Variants in NCKAP5 observed in about 807,000 individuals in gnomAD.
NCKAP5 encodes NCK associated protein 5, also known as nck-associated protein 5.
A neutral mutation model predicts 167.0 loss-of-function variants in NCKAP5; 92 were observed. The observed-to-expected ratio is 0.55, with a 90% CI of 0.47 to 0.66. The LOEUF (loss-of-function observed/expected upper bound fraction) is 0.66, where lower values mean the gene tolerates loss of function less well. NCKAP5 is among the 30% of genes least tolerant of loss of function. The pLI, the probability that NCKAP5 is intolerant of heterozygous loss-of-function variation, is 0.00. For synonymous variants in NCKAP5, 891 were observed against 877.4 expected (o/e 1.02, Z -0.27); for missense variants, 2,378 against 2,315.0 (o/e 1.03, Z -0.56).
chr2:132,885,253 A>G (rs1244146317), intron 8 of NCKAP5, among the ~76,000 whole-genome samples: 4 of 152,230 alleles, frequency 2.6e-5, no homozygotes, highest in African/African-American at 9.6e-5. Context: ...TTAAAGAAAC[A>G]GTGAATATTT....
Position 133,463,602 on chromosome 2 carries a change from C to T in NCKAP5, c.69+53856G>A, listed in dbSNP as rs116589776. ...AACCAAGTTTTAGCATTAAAGGGCCCCCATTTCTCAGCATGAGAAGCCCAA... is the reference window on the plus strand; with the variant it reads ...AACCAAGTTTTAGCATTAAAGGGCCTCCATTTCTCAGCATGAGAAGCCCAA... On this transcript the variant is annotated intron_variant, in intron 3 of 19. Coordinates refer to ENST00000409261, the MANE Select transcript of NCKAP5 (RefSeq NM_207363.3). 5.5e-3 allele frequency among the ~76,000 whole-genome samples: 830 copies of T among 152,216 alleles called. 3 individuals are homozygous for T. The highest frequency in any genetic ancestry group is 0.012 in the Admixed American group (190 of 15,288).
intron 11 of NCKAP5, among the ~76,000 whole-genome samples, chr2:132,837,823 TG>T (rs1688005794): frequency 6.6e-6 from 1 of 152,160 alleles, no homozygotes; most frequent in Non-Finnish European, 1.5e-5. Context: ...GACTTCCCAC[TG>T]GGGAGACCTC....
intron 3 of NCKAP5, among the ~76,000 whole-genome samples, chr2:133,506,904 AG>A (rs1474756471): frequency 6.6e-6 from 1 of 152,236 alleles, no homozygotes; most frequent in Non-Finnish European, 1.5e-5. Flanking sequence ...ATCCTCTAAG[AG>A]GATGAGAAAG....
intron 8 of NCKAP5, among the ~76,000 whole-genome samples, chr2:132,895,963 C>T (rs1285936621): frequency 1.3e-5 from 2 of 152,068 alleles, no homozygotes; most frequent in African/African-American, 2.4e-5. Context: ...GGCAAAACTC[C>T]GTCTCTACTA....
At chr2:133,482,536 T>C (rs906555435) in intron 3 of NCKAP5, among the ~76,000 whole-genome samples, 2 of 152,236 alleles carry the variant, frequency 1.3e-5, no homozygotes, top group African/African-American at 4.8e-5. Context: ...CTTTATTCAT[T>C]AATTCACTGA....
At chr2:132,856,663 AAGAC>A (rs1689494713) in intron 11 of NCKAP5, among the ~76,000 whole-genome samples, 1 of 152,198 alleles carries the variant, frequency 6.6e-6, no homozygotes, top group African/African-American at 2.4e-5. Flanking sequence ...AAACAAGTAA[AAGAC>A]AGAACACATA....
the NCKAP5 span, among the ~76,000 whole-genome samples, chr2:133,614,953 A>T: frequency 0.63 from 95,553 of 152,026 alleles, 31,164 homozygotes; most frequent in Middle Eastern, 0.78. Flanking sequence ...CGGATCTCTC[A>T]GCAGAAACTC....
the NCKAP5 span, among the ~76,000 whole-genome samples, chr2:133,600,511 G>A: frequency 6.6e-6 from 1 of 152,214 alleles, no homozygotes; most frequent in African/African-American, 2.4e-5. Context: ...ATGCTCACGT[G>A]CCCACTGGAG....
At chr2:132,893,914 T>C (rs1038826409) in intron 8 of NCKAP5, among the ~76,000 whole-genome samples, 1 of 152,044 alleles carries the variant, frequency 6.6e-6, no homozygotes, top group African/African-American at 2.4e-5. Flanking sequence ...ATGTACACAC[T>C]CTAATAAGTA....
chr2:133,273,618 T>G (rs992418433), intron 4 of NCKAP5, among the ~76,000 whole-genome samples: 1 of 151,914 alleles, frequency 6.6e-6, no homozygotes, highest in Non-Finnish European at 1.5e-5. Flanking sequence ...AAAGTAAATA[T>G]AGGCTGTATG....
chr2:133,611,266 C>T, the NCKAP5 span, among the ~76,000 whole-genome samples: 5 of 152,088 alleles, frequency 3.3e-5, no homozygotes, highest in South Asian at 2.1e-4. Context: ...AACCTCCACC[C>T]GCCACCCGCC....
chr2:132,819,925 G>C (rs920243756), intron 11 of NCKAP5, among the ~76,000 whole-genome samples: 3 of 152,176 alleles, frequency 2.0e-5, no homozygotes, highest in African/African-American at 7.2e-5. Context: ...CATCTTGAAA[G>C]ATTTGAGCTG....
Position 132,823,035 on chromosome 2 carries a change from A to G in NCKAP5, c.808-26306T>C, listed in dbSNP as rs553177411. ...AAAATAATTTAAAAAAATGAACAAA[A>G]CCTCTAAGAAATTTGTGATTTTGTT... On this transcript the variant is annotated intron_variant, in intron 11 of 19. Coordinates refer to ENST00000409261, the MANE Select transcript of NCKAP5 (RefSeq NM_207363.3). Among the ~76,000 whole-genome samples, 212 of 152,246 alleles carry G rather than the reference A, an allele frequency of 1.4e-3. 1 individual carries two copies. Among genetic ancestry groups the G allele is most frequent in the African/African-American group, 4.8e-3 (201 of 41,550 alleles).
chr2:133,206,793 C>A (rs2150143983), intron 5 of NCKAP5, among the ~76,000 whole-genome samples: 1 of 152,228 alleles, frequency 6.6e-6, no homozygotes, highest in East Asian at 1.9e-4. Flanking sequence ...ATTCTCTTCC[C>A]AGCAAGGAAT....
intron 5 of NCKAP5, among the ~76,000 whole-genome samples, chr2:133,201,402 C>T (rs2085679453): frequency 6.6e-6 from 1 of 152,084 alleles, no homozygotes; most frequent in South Asian, 2.1e-4. Flanking sequence ...TACCAAGACA[C>T]ACAAAATATA....
chr2:133,671,130 G>A, the NCKAP5 span, among the ~76,000 whole-genome samples: 1 of 150,494 alleles, frequency 6.6e-6, no homozygotes. Context: ...CAGGGGAATG[G>A]CGAGAACCCA....
intron 3 of NCKAP5, among the ~76,000 whole-genome samples, chr2:133,332,345 C>CA (rs1468745464): frequency 6.6e-6 from 1 of 152,128 alleles, no homozygotes; most frequent in Admixed American, 6.5e-5. Context: ...TCCAACACTC[C>CA]AATGCACCCA....
At chr2:133,516,518 A>G (rs1684014787) in intron 3 of NCKAP5, among the ~76,000 whole-genome samples, 1 of 152,224 alleles carries the variant, frequency 6.6e-6, no homozygotes, top group Non-Finnish European at 1.5e-5. Context: ...AGAAACTCAC[A>G]TCTATGAATA....
At chr2:133,620,214 T>C in the NCKAP5 span, among the ~76,000 whole-genome samples, 3 of 150,938 alleles carry the variant, frequency 2.0e-5, no homozygotes, top group Non-Finnish European at 4.4e-5. Context: ...TATAGCACAA[T>C]GAATAGAATA....
Sources: gnomAD v4.1 joint callset for allele counts (sites outside exome capture counted in the v4.1 genomes callset) on GRCh38, gnomAD v4.1.1 for gene constraint, MANE v1.5 for transcripts, NCBI Gene and HGNC (gene_info 2026-07-23, HGNC 2026-07-21) for gene names.